Variants in MSR1 observed in about 807,000 individuals in gnomAD.
MSR1 encodes macrophage scavenger receptor types I and II.
Under a neutral mutation model 47.2 loss-of-function variants are expected in MSR1, and 53 were observed. The ratio of observed to expected loss-of-function variants is 1.12; its 90% confidence interval spans 0.90 to 1.41. MSR1 has a LOEUF of 1.41. MSR1 is among the 40% of genes most tolerant of loss of function. MSR1 has a pLI of 0.00. For synonymous variants in MSR1, 239 were observed against 185.6 expected (o/e 1.29, Z -2.34); for missense variants, 786 against 546.9 (o/e 1.44, Z -4.36).
chr8:16,181,209 G>A (rs951092290), intron 1 of MSR1, among the ~76,000 whole-genome samples: 11 of 152,082 alleles, frequency 7.2e-5, no homozygotes, highest in Admixed American at 2.0e-4. Flanking sequence ...GGGAATATAC[G>A]CAGTAATGTG....
At chr8:16,168,132 C>T (rs1281538340) in intron 4 of MSR1, among the ~76,000 whole-genome samples, 4 of 152,022 alleles carry the variant, frequency 2.6e-5, no homozygotes, top group African/African-American at 9.7e-5. Flanking sequence ...ACAGAGTGTT[C>T]ACTTCTCAAG....
intron 8 of MSR1, among the ~76,000 whole-genome samples, chr8:16,134,964 G>GA (rs1159193670): frequency 6.6e-6 from 1 of 152,160 alleles, no homozygotes; most frequent in Non-Finnish European, 1.5e-5. Flanking sequence ...GAAAGGTGAG[G>GA]AAACTGCAGG....
rs148631001 is a variant in MSR1 at position 16,168,484 on chromosome 8, G to C, written c.604C>G (p.Gln202Glu). The C allele has an allele frequency of 3.8e-5, 61 of 1,613,950 alleles. No homozygotes were observed. Among genetic ancestry groups the C allele is most frequent in the Admixed American group, 6.7e-5 (4 of 59,986 alleles). ...TCTTGTTGTTTGAAGGTATTCTCTT[G>C]GATTTTGCCATTCAGATTTTCTATG... ...LNIENLNGKI[Q>E]ENTFKQQEEI... is the part of the protein sequence containing the mutation. The change falls in exon 4 of 10, where the codon CAA becomes GAA. Residue 202 changes from glutamine to glutamate, a missense_variant. Coordinates refer to ENST00000262101, the MANE Select transcript of MSR1 (RefSeq NM_138715.3).
chr8:16,128,169 CT>C (rs1800172764), intron 8 of MSR1, among the ~76,000 whole-genome samples: 1 of 152,084 alleles, frequency 6.6e-6, no homozygotes, highest in African/African-American at 2.4e-5. Flanking sequence ...TGAATTCATC[CT>C]GAAACAGTTC....
At chr8:16,122,843 CTTTTTT>C in intron 8 of MSR1, among the ~76,000 whole-genome samples, 1 of 65,598 alleles carries the variant, frequency 1.5e-5, no homozygotes. Flanking sequence ...TATTCAAATT[CTTTTTT>C]TTTTTTTTTT....
In MSR1 at chr8:16,144,083, T is replaced by C. The variant is rs116269211; in HGVS notation, c.980-472A>G. On this transcript the variant is annotated intron_variant, in intron 7 of 9. Transcript: ENST00000262101. Reference sequence around the variant, plus strand: ...CTGGGAGTGTTGAGATTCTTACTCATGGGGAAGGTAGGAAGATCCTTGGAG... The same window carrying C: ...CTGGGAGTGTTGAGATTCTTACTCACGGGGAAGGTAGGAAGATCCTTGGAG... Among the ~76,000 whole-genome samples, 853 of 152,142 alleles carry C rather than the reference T, an allele frequency of 5.6e-3. 8 individuals are homozygous for C. Among genetic ancestry groups the C allele is most frequent in the African/African-American group, 0.015 (629 of 41,540 alleles).
chr8:16,170,407 C>A (rs546322751), intron 3 of MSR1, among the ~76,000 whole-genome samples: 2 of 151,996 alleles, frequency 1.3e-5, no homozygotes, highest in East Asian at 3.9e-4. Flanking sequence ...TAAACACAAT[C>A]TTATCACTAT....
intron 3 of MSR1, among the ~76,000 whole-genome samples, chr8:16,170,889 A>C (rs778190826): frequency 1.2e-4 from 18 of 152,196 alleles, no homozygotes; most frequent in Non-Finnish European, 2.2e-4. Flanking sequence ...GGTGCTGAAC[A>C]CTAATTAAAT....
chr8:16,134,297 T>C (rs1367122537), intron 8 of MSR1, among the ~76,000 whole-genome samples: 1 of 152,140 alleles, frequency 6.6e-6, no homozygotes, highest in African/African-American at 2.4e-5. Context: ...AGACATGTTA[T>C]AATAAGCTAG....
At chr8:16,144,935 T>C (rs1482844926) in intron 7 of MSR1, among the ~76,000 whole-genome samples, 1 of 152,006 alleles carries the variant, frequency 6.6e-6, no homozygotes, top group Non-Finnish European at 1.5e-5. Context: ...TCTTCATCTG[T>C]GCTTTATTTT....
intron 8 of MSR1, chr8:16,121,252 G>T (rs959375859): frequency 2.6e-6 from 1 of 379,292 alleles, no homozygotes; most frequent in South Asian, 2.1e-5. Flanking sequence ...AGACAATTTT[G>T]TTTATTTTTA....
intron 9 of MSR1, among the ~76,000 whole-genome samples, chr8:16,117,772 G>T (rs1339012008): frequency 1.3e-5 from 2 of 152,054 alleles, no homozygotes; most frequent in African/African-American, 2.4e-5. Flanking sequence ...ATCAGCCCCA[G>T]ATGGGACCGT....
At chr8:16,133,647 C>CTGATTT (rs1202136007) in intron 8 of MSR1, among the ~76,000 whole-genome samples, 20 of 152,168 alleles carry the variant, frequency 1.3e-4, no homozygotes, top group Non-Finnish European at 2.8e-4. Flanking sequence ...CTTGACTGGT[C>CTGATTT]TGCTTTTGCT....
chr8:16,143,705 T>C (rs910154822), intron 7 of MSR1, 94 bp from the exon 8 acceptor site: 22 of 853,084 alleles, frequency 2.6e-5, no homozygotes, highest in South Asian at 1.1e-4. Flanking sequence ...AATTAAAATA[T>C]AATAGAATGG....
At chr8:16,164,980 A>G (rs1273587663) in intron 4 of MSR1, among the ~76,000 whole-genome samples, 1 of 152,050 alleles carries the variant, frequency 6.6e-6, no homozygotes, top group African/African-American at 2.4e-5. Context: ...TTAGAGACTG[A>G]TATTTTCAGT....
At chr8:16,156,628 G>A (rs910564990) in intron 5 of MSR1, among the ~76,000 whole-genome samples, 2 of 151,816 alleles carry the variant, frequency 1.3e-5, no homozygotes, top group Non-Finnish European at 1.5e-5. Flanking sequence ...TAGAAAAAGC[G>A]TGAGGAAGAA....
chr8:16,165,200 C>A (rs552648818), intron 4 of MSR1, among the ~76,000 whole-genome samples: 3 of 152,156 alleles, frequency 2.0e-5, no homozygotes, highest in East Asian at 1.9e-4. Context: ...TTTGTTCAAC[C>A]ATTGCCGTAC....
At chr8:16,153,438 G>A (rs764283627) in intron 6 of MSR1, among the ~76,000 whole-genome samples, 13 of 151,848 alleles carry the variant, frequency 8.6e-5, no homozygotes, top group African/African-American at 3.1e-4. Flanking sequence ...CCAGGAACTC[G>A]ACCTGTCTTT....
At chr8:16,187,581 T>C (rs2117239372) in intron 1 of MSR1, among the ~76,000 whole-genome samples, 1 of 152,162 alleles carries the variant, frequency 6.6e-6, no homozygotes, top group East Asian at 1.9e-4. Context: ...TGTGGACTTT[T>C]GATCTCTTTG....
Sources: gnomAD v4.1 joint callset for allele counts (sites outside exome capture counted in the v4.1 genomes callset) on GRCh38, gnomAD v4.1.1 for gene constraint, MANE v1.5 for transcripts, NCBI Gene and HGNC (gene_info 2026-07-23, HGNC 2026-07-21) for gene names.